Variants in KBTBD3 observed in about 807,000 individuals in gnomAD.
The protein encoded by KBTBD3 is kelch repeat and BTB domain containing 3.
Under a neutral mutation model 49.6 loss-of-function variants are expected in KBTBD3, and 38 were observed. The observed-to-expected ratio is 0.77, with a 90% confidence interval of 0.59 to 1.00. The LOEUF is 1.00. Among genes scored for constraint, KBTBD3 ranks in the 50% least tolerant of loss-of-function variants. KBTBD3 has a pLI of 0.00. For missense variants in KBTBD3, 661 were observed against 712.0 expected (o/e 0.93, Z 0.81); for synonymous variants, 214 against 250.4 (o/e 0.85, Z 1.37).
intron 2 of KBTBD3, among the ~76,000 whole-genome samples, chr11:106,069,333 T>C (rs996886934): frequency 2.0e-5 from 3 of 151,998 alleles, no homozygotes; most frequent in Admixed American, 6.6e-5. Context: ...AGATAGTCCA[T>C]GTAGAAACTC....
chr11:106,068,668 G>A (rs1860858045), intron 2 of KBTBD3, among the ~76,000 whole-genome samples: 1 of 152,018 alleles, frequency 6.6e-6, no homozygotes, highest in Admixed American at 6.6e-5. Context: ...GAAGCAGAAG[G>A]AAGACTCCCA....
rs1860454391 is a variant in KBTBD3 at position 106,053,017 on chromosome 11, C to T, written c.1672G>A (p.Gly558Ser). ...GIEDKIYILG[G>S]DYAPDEITDE... ...GTGATTTCATCTGGTGCATAATCACCACCTAATATATAAATTTTATCTTCA... is the reference window on the plus strand; with the variant it reads ...GTGATTTCATCTGGTGCATAATCACTACCTAATATATAAATTTTATCTTCA... Residue 558 changes from glycine (G) to serine (S), a missense_variant, in exon 4 of 4, where the codon GGT becomes AGT. Coordinates refer to ENST00000531837, the MANE Select transcript of KBTBD3 (RefSeq NM_198439.3). The T allele has an allele frequency of 1.2e-6, 2 of 1,613,596 alleles. No homozygotes were observed. The highest frequency in any genetic ancestry group is 1.7e-5 in the Admixed American group (1 of 59,926).
chr11:106,074,118 C>CG (rs1044516615), intron 2 of KBTBD3, among the ~76,000 whole-genome samples: 2 of 87,412 alleles, frequency 2.3e-5, no homozygotes, highest in South Asian at 4.5e-4. Flanking sequence ...GAACACCCCC[C>CG]CCCACACACA....
At chr11:106,065,693 G>A (rs957634135) in intron 2 of KBTBD3, among the ~76,000 whole-genome samples, 16 of 152,148 alleles carry the variant, frequency 1.1e-4, no homozygotes, top group Non-Finnish European at 2.9e-5. Flanking sequence ...GGGCGCGGTG[G>A]CTCATGCCTG....
chr11:106,069,053 C>G (rs1376338911), intron 2 of KBTBD3, among the ~76,000 whole-genome samples: 1 of 152,030 alleles, frequency 6.6e-6, no homozygotes, highest in African/African-American at 2.4e-5. Flanking sequence ...GAAAAGTTCC[C>G]CCTTCTCAAC....
At chr11:106,075,897 A>G (rs1861019317) in intron 2 of KBTBD3, 1 of 152,228 alleles carries the variant, frequency 6.6e-6, no homozygotes, top group South Asian at 2.1e-4. Context: ...TAGATCTAAT[A>G]CACAGAGATC....
chr11:106,068,109 A>C (rs1172080912), intron 2 of KBTBD3, among the ~76,000 whole-genome samples: 1 of 152,014 alleles, frequency 6.6e-6, no homozygotes, highest in African/African-American at 2.4e-5. Context: ...TGAAGCAAAA[A>C]CTGATAAAAC....
At chr11:106,062,621 A>T (rs900313772) in intron 2 of KBTBD3, among the ~76,000 whole-genome samples, 3 of 152,210 alleles carry the variant, frequency 2.0e-5, no homozygotes, top group African/African-American at 7.2e-5. Context: ...TATTCTATTC[A>T]ATTCTTCATT....
intron 2 of KBTBD3, among the ~76,000 whole-genome samples, chr11:106,065,557 A>G (rs1860792971): frequency 6.6e-6 from 1 of 152,254 alleles, no homozygotes; most frequent in African/African-American, 2.4e-5. Context: ...TATCATCAAA[A>G]GGTGATGGGA....
At chr11:106,055,216 C>G (rs1349174207) in intron 3 of KBTBD3, among the ~76,000 whole-genome samples, 4 of 152,132 alleles carry the variant, frequency 2.6e-5, no homozygotes, top group Non-Finnish European at 5.9e-5. Context: ...ATCTAAGGAA[C>G]TGAGAATTTC....
At chr11:106,054,531 GT>G in intron 3 of KBTBD3, 76 bp from the exon 4 acceptor site, 1 of 1,143,822 alleles carries the variant, frequency 8.7e-7, no homozygotes, top group South Asian at 2.9e-5. Flanking sequence ...CCTTAAAGAG[GT>G]TTCCTTACTC....
intron 3 of KBTBD3, among the ~76,000 whole-genome samples, chr11:106,058,329 C>G (rs891998958): frequency 6.6e-6 from 1 of 150,744 alleles, no homozygotes; most frequent in East Asian, 2.0e-4. Context: ...TGCAGTGAGC[C>G]GAGATCGCAC....
intron 2 of KBTBD3, among the ~76,000 whole-genome samples, chr11:106,063,220 C>T (rs1860739316): frequency 6.6e-6 from 1 of 152,226 alleles, no homozygotes; most frequent in South Asian, 2.1e-4. Flanking sequence ...AACAGCCAAC[C>T]AACCTGCTGG....
intron 3 of KBTBD3, among the ~76,000 whole-genome samples, chr11:106,055,782 G>T (rs1860538305): frequency 6.6e-6 from 1 of 152,080 alleles, no homozygotes; most frequent in Non-Finnish European, 1.5e-5. Flanking sequence ...AAGAATAAAT[G>T]GGTTAACTGA....
intron 2 of KBTBD3, among the ~76,000 whole-genome samples, chr11:106,064,356 G>A (rs150167089): frequency 7.2e-5 from 11 of 152,018 alleles, no homozygotes; most frequent in African/African-American, 2.7e-4. Flanking sequence ...GACTAGCCTG[G>A]CCAAAATGGT....
At chr11:106,073,445 A>G (rs751608653) in intron 2 of KBTBD3, among the ~76,000 whole-genome samples, 2 of 152,040 alleles carry the variant, frequency 1.3e-5, no homozygotes, top group Non-Finnish European at 2.9e-5. Context: ...TCTTCAAAAA[A>G]AAAACTGGAT....
chr11:106,070,094 T>C (rs982714126), intron 2 of KBTBD3, among the ~76,000 whole-genome samples: 8 of 152,196 alleles, frequency 5.3e-5, no homozygotes, highest in African/African-American at 1.7e-4. Context: ...TACTTCATAC[T>C]TTATGTAAAA....
At position 106,051,460 on chromosome 11, in the gene KBTBD3, C is replaced by A. The variant is rs1860417245; in HGVS notation, c.*1390G>T. 6.6e-6 allele frequency: 1 copy of A among 151,816 alleles called. No individual in the cohort carries two copies. The highest frequency in any genetic ancestry group is 6.6e-5 in the Admixed American group (1 of 15,204). 9.4% of individuals were successfully genotyped at this position (151,816 alleles called of 1,614,324 possible). A position where few individuals can be genotyped will look rare whatever the true frequency, so the allele number is the denominator to read the frequency against. On this transcript the variant is annotated 3_prime_UTR_variant, in exon 4 of 4. Coordinates refer to ENST00000531837, the MANE Select transcript of KBTBD3 (RefSeq NM_198439.3). Reference sequence around the variant, plus strand: ...AATTTATATGATAAAATAAGAGAATCTTCATTTAGGTGTATTTCTACTTAG... The same window carrying A: ...AATTTATATGATAAAATAAGAGAATATTCATTTAGGTGTATTTCTACTTAG...
At position 106,053,422 on chromosome 11, in the gene KBTBD3, CT is replaced by C; in HGVS notation, c.1266del (p.Asp423MetfsTer33). 1 of 1,613,500 alleles carries C rather than the reference CT, an allele frequency of 6.2e-7. No homozygotes were observed. Among genetic ancestry groups the C allele is most frequent in the Non-Finnish European group, 8.5e-7 (1 of 1,179,758 alleles). Reference sequence around the variant, plus strand: ...GAAAGAGGATTGTAAGATTCAACATCTAAGAGACTTTTAATGTCCCGGGATC... The same window carrying C: ...GAAAGAGGATTGTAAGATTCAACATCAAGAGACTTTTAATGTCCCGGGATC... ...TRGSRDIKSL[L>X]DVESYNPLSK... On this transcript the variant is annotated frameshift_variant, in exon 4 of 4. Transcript: ENST00000531837. LOFTEE classifies it high-confidence loss of function.
Sources: allele counts gnomAD v4.1 joint callset (sites outside exome capture counted in the v4.1 genomes callset), GRCh38; gene constraint gnomAD v4.1.1; transcripts MANE v1.5; gene names NCBI Gene and HGNC (gene_info 2026-07-23, HGNC 2026-07-21).